Variants in PARD3 observed in about 807,000 individuals in gnomAD.
The protein encoded by PARD3 is par-3 family cell polarity regulator, also known as partitioning defective 3 homolog.
In PARD3, 75 loss-of-function variants were observed where a neutral mutation model predicts 155.4. That is an observed-to-expected ratio of 0.48 (90% CI 0.40 to 0.58). PARD3 has a LOEUF of 0.58. Ranked by LOEUF, PARD3 falls within the 20% of genes least tolerant of loss-of-function variation. PARD3 has a pLI of 0.00. For synonymous variants in PARD3, 576 were observed against 610.5 expected (o/e 0.94, Z 0.83); for missense variants, 1,642 against 1,721.7 (o/e 0.95, Z 0.82).
chr10:34,465,729 A>T (rs1484394709), intron 4 of PARD3, among the ~76,000 whole-genome samples: 1 of 152,142 alleles, frequency 6.6e-6, no homozygotes, highest in African/African-American at 2.4e-5. Flanking sequence ...TTAGGGGGAA[A>T]TATCATTTAC....
chr10:34,613,571 AC>A (rs1294963189), intron 2 of PARD3, among the ~76,000 whole-genome samples: 1 of 152,166 alleles, frequency 6.6e-6, no homozygotes, highest in Non-Finnish European at 1.5e-5. Context: ...TAATTATTCA[AC>A]CTCACAGCAT....
chr10:34,143,685 A>G (rs897201651), intron 22 of PARD3, among the ~76,000 whole-genome samples: 2 of 152,158 alleles, frequency 1.3e-5, no homozygotes, highest in Non-Finnish European at 2.9e-5. Flanking sequence ...ACTTTCTTGA[A>G]ATGACTCAGA....
intron 2 of PARD3, among the ~76,000 whole-genome samples, chr10:34,685,176 T>C (rs1290368919): frequency 6.6e-6 from 1 of 152,234 alleles, no homozygotes; most frequent in East Asian, 1.9e-4. Flanking sequence ...CAGTAGGGTA[T>C]GTATTTATGA....
chr10:34,591,853 A>G (rs954015638), intron 2 of PARD3, among the ~76,000 whole-genome samples: 5 of 152,132 alleles, frequency 3.3e-5, no homozygotes, highest in Non-Finnish European at 1.5e-5. Flanking sequence ...AAACCTAAAC[A>G]TGCCAGCTTC....
intron 5 of PARD3, among the ~76,000 whole-genome samples, chr10:34,407,502 C>A (rs1844614485): frequency 6.6e-6 from 1 of 152,224 alleles, no homozygotes; most frequent in African/African-American, 2.4e-5. Context: ...TCTCTTGGAA[C>A]AATGCCATAG....
rs546942753 is a variant in PARD3, at chr10:34,423,410, T to C, written c.715-21493A>G. 1.2e-3 allele frequency among the ~76,000 whole-genome samples: 184 copies of C among 152,284 alleles called. 1 individual carries two copies. Among genetic ancestry groups the C allele is most frequent in the Non-Finnish European group, 2.2e-3 (148 of 67,994 alleles). The stretch of plus-strand genomic sequence containing the variant: ...GATCTACTGTACAACATAGTCACTG[T>C]AGTTAATAACAATATACTGTATACT... On this transcript the variant is annotated intron_variant, in intron 5 of 24. Coordinates refer to ENST00000374788, the MANE Select transcript of PARD3 (RefSeq NM_001184785.2).
chr10:34,710,300 T>C (rs972153569), intron 1 of PARD3, among the ~76,000 whole-genome samples: 7 of 152,226 alleles, frequency 4.6e-5, no homozygotes, highest in Non-Finnish European at 8.8e-5. Flanking sequence ...TCTACAGCCA[T>C]AGACAAAAGA....
At chr10:34,397,001 T>C (rs1843410650) in intron 7 of PARD3, among the ~76,000 whole-genome samples, 2 of 152,180 alleles carry the variant, frequency 1.3e-5, no homozygotes, top group Non-Finnish European at 1.5e-5. Context: ...ATCACATAAT[T>C]ATAATTGTGT....
At chr10:34,425,415 G>C (rs1026008407) in intron 5 of PARD3, among the ~76,000 whole-genome samples, 9 of 152,048 alleles carry the variant, frequency 5.9e-5, no homozygotes, top group Non-Finnish European at 1.3e-4. Context: ...CCACCAATTT[G>C]CTTTTCTTTT....
At chr10:34,782,250 A>G (rs1424578370) in intron 1 of PARD3, among the ~76,000 whole-genome samples, 4 of 152,214 alleles carry the variant, frequency 2.6e-5, no homozygotes, top group African/African-American at 9.6e-5. Context: ...GTGTGTATGA[A>G]GAGAGCTATA....
intron 2 of PARD3, among the ~76,000 whole-genome samples, chr10:34,589,748 G>T (rs1250674587): frequency 6.6e-6 from 1 of 150,756 alleles, no homozygotes; most frequent in Non-Finnish European, 1.5e-5. Flanking sequence ...CAGTTTTACT[G>T]GGGGGCTGGG....
chr10:34,557,702 C>T (rs1264942133), intron 2 of PARD3, among the ~76,000 whole-genome samples: 3 of 152,020 alleles, frequency 2.0e-5, no homozygotes, highest in African/African-American at 7.2e-5. Flanking sequence ...AAGCGATCCA[C>T]CTGCCTTAGC....
intron 12 of PARD3, among the ~76,000 whole-genome samples, chr10:34,369,308 ATTTATTTG>A (rs141634723): frequency 0.28 from 22,488 of 79,788 alleles, 1,854 homozygotes; most frequent in African/African-American, 0.39. Flanking sequence ...TGATTTATTT[ATTTATTTG>A]TTTATTTATT....
intron 22 of PARD3, among the ~76,000 whole-genome samples, chr10:34,265,596 G>A (rs1322867662): frequency 1.3e-5 from 2 of 152,190 alleles, no homozygotes; most frequent in Admixed American, 1.3e-4. Flanking sequence ...GTTGACAGGA[G>A]TTTCTCTATT....
intron 3 of PARD3, among the ~76,000 whole-genome samples, chr10:34,481,789 A>C (rs1457044554): frequency 1.3e-5 from 2 of 151,450 alleles, no homozygotes; most frequent in Admixed American, 1.3e-4. Context: ...TTTACTGTAG[A>C]AAAGTAGAAA....
At chr10:34,733,947 T>G (rs1197655892) in intron 1 of PARD3, among the ~76,000 whole-genome samples, 2 of 130,384 alleles carry the variant, frequency 1.5e-5, no homozygotes, top group Non-Finnish European at 3.5e-5. Context: ...AAATCAAAGC[T>G]GTTTTTTTTT....
intron 22 of PARD3, among the ~76,000 whole-genome samples, chr10:34,248,701 G>A (rs1043937342): frequency 6.6e-6 from 1 of 152,202 alleles, no homozygotes; most frequent in African/African-American, 2.4e-5. Flanking sequence ...CTGTGAAGCC[G>A]CAAAGGCAGG....
chr10:34,647,613 T>G (rs2092882719), intron 2 of PARD3, among the ~76,000 whole-genome samples: 2 of 152,352 alleles, frequency 1.3e-5, no homozygotes, highest in Middle Eastern at 3.4e-3. Flanking sequence ...AGACTGCACC[T>G]TTTCTCGATG....
At chr10:34,623,319 A>T (rs1266689449) in intron 2 of PARD3, among the ~76,000 whole-genome samples, 3 of 152,162 alleles carry the variant, frequency 2.0e-5, no homozygotes, top group Non-Finnish European at 4.4e-5. Context: ...TTCTGCAGAC[A>T]AGTATTTATG....
Sources: allele counts gnomAD v4.1 joint callset (sites outside exome capture counted in the v4.1 genomes callset), GRCh38; gene constraint gnomAD v4.1.1; transcripts MANE v1.5; gene names NCBI Gene and HGNC (gene_info 2026-07-23, HGNC 2026-07-21).